HPSE2: variants seen among roughly 807,000 people sequenced by gnomAD.
HPSE2 encodes inactive heparanase-2.
Under a neutral mutation model 60.5 loss-of-function variants are expected in HPSE2, and 38 were observed. The ratio of observed to expected loss-of-function variants is 0.63; its 90% confidence interval spans 0.48 to 0.82. The LOEUF is 0.82. HPSE2 is among the 40% of genes least tolerant of loss of function. The pLI, the probability that HPSE2 is intolerant of heterozygous loss-of-function variation, is 0.00. For missense variants in HPSE2, 713 were observed against 740.4 expected, an observed-to-expected ratio of 0.96 and a Z score of 0.43; for synonymous variants, 295 against 293.2, an observed-to-expected ratio of 1.01 and a Z score of -0.06.
At chr10:99,288,185 G>C in the HPSE2 span, among the ~76,000 whole-genome samples, 1 of 152,108 alleles carries the variant, frequency 6.6e-6, no homozygotes, top group African/African-American at 2.4e-5. Context: ...AAATCTAAGG[G>C]ATAGGCTAGA....
intron 3 of HPSE2, among the ~76,000 whole-genome samples, chr10:98,767,192 CT>C (rs1221252250): frequency 6.6e-6 from 1 of 152,088 alleles, no homozygotes; most frequent in Non-Finnish European, 1.5e-5. Flanking sequence ...AGCTTTTTCA[CT>C]TGTGTACAAG....
intron 3 of HPSE2, among the ~76,000 whole-genome samples, chr10:98,979,208 G>C (rs1047702750): frequency 6.6e-6 from 1 of 152,064 alleles, no homozygotes; most frequent in Non-Finnish European, 1.5e-5. Context: ...CTTCAGGCAC[G>C]AGCTAGGGTA....
intron 3 of HPSE2, among the ~76,000 whole-genome samples, chr10:98,822,488 A>G (rs1951447830): frequency 6.6e-6 from 1 of 152,212 alleles, no homozygotes; most frequent in Non-Finnish European, 1.5e-5. Context: ...ACTAAGCACG[A>G]ATTTTAAAAT....
At chr10:98,542,764 G>A (rs1943516598) in intron 9 of HPSE2, among the ~76,000 whole-genome samples, 1 of 151,300 alleles carries the variant, frequency 6.6e-6, no homozygotes, top group South Asian at 2.1e-4. Flanking sequence ...GAAGCGAGAA[G>A]GGAAGTTTAG....
chr10:98,932,950 G>A (rs761297193), intron 3 of HPSE2, among the ~76,000 whole-genome samples: 5 of 142,864 alleles, frequency 3.5e-5, no homozygotes, highest in East Asian at 2.0e-4. Flanking sequence ...TTGATTTTTC[G>A]AAGTGTTTTT....
chr10:98,736,170 C>T (rs898213875), intron 4 of HPSE2, among the ~76,000 whole-genome samples: 5 of 151,136 alleles, frequency 3.3e-5, no homozygotes, highest in African/African-American at 9.7e-5. Context: ...GAATAAGTCT[C>T]GCAAGAGCTG....
At chr10:99,066,955 C>G (rs1350020625) in intron 3 of HPSE2, among the ~76,000 whole-genome samples, 2 of 152,198 alleles carry the variant, frequency 1.3e-5, no homozygotes, top group African/African-American at 2.4e-5. Context: ...AAGTTAGTTA[C>G]TTCCTAGATA....
intron 9 of HPSE2, among the ~76,000 whole-genome samples, chr10:98,557,933 T>C (rs1281691236): frequency 3.9e-5 from 6 of 152,048 alleles, no homozygotes; most frequent in Non-Finnish European, 8.8e-5. Context: ...AGGATTCATA[T>C]CCAGAATATA....
At chr10:99,268,156 T>A in the HPSE2 span, among the ~76,000 whole-genome samples, 1 of 152,168 alleles carries the variant, frequency 6.6e-6, no homozygotes, top group Non-Finnish European at 1.5e-5. Context: ...TTAGCCTCCT[T>A]AAATGAAACA....
chr10:99,190,655 C>T (rs1461306576), intron 2 of HPSE2, among the ~76,000 whole-genome samples: 1 of 152,158 alleles, frequency 6.6e-6, no homozygotes, highest in Admixed American at 6.5e-5. Context: ...GCAAGATGGC[C>T]AAATAGAAGC....
At chr10:98,789,670 A>G (rs1391809227) in intron 3 of HPSE2, among the ~76,000 whole-genome samples, 1 of 152,192 alleles carries the variant, frequency 6.6e-6, no homozygotes, top group Non-Finnish European at 1.5e-5. Context: ...CAGATCCTAA[A>G]GGAGATGACA....
intron 2 of HPSE2, among the ~76,000 whole-genome samples, chr10:99,181,231 T>C (rs987230828): frequency 1.3e-5 from 2 of 149,766 alleles, no homozygotes; most frequent in Admixed American, 1.3e-4. Context: ...ACCCCGTCTC[T>C]ACTAAAAATA....
At chr10:98,991,017 T>C (rs1378153152) in intron 3 of HPSE2, among the ~76,000 whole-genome samples, 1 of 152,184 alleles carries the variant, frequency 6.6e-6, no homozygotes, top group African/African-American at 2.4e-5. Flanking sequence ...ATCATGCATA[T>C]TCCCACCTCC....
intron 2 of HPSE2, among the ~76,000 whole-genome samples, chr10:99,219,831 C>A (rs1849250018): frequency 6.6e-6 from 1 of 152,150 alleles, no homozygotes; most frequent in African/African-American, 2.4e-5. Context: ...AAAATGGTGA[C>A]CTTCTGCCTT....
In HPSE2 at chr10:98,987,151, G is replaced by A. The variant is rs537273570; in HGVS notation, c.610+157087C>T. Among the ~76,000 whole-genome samples, 3 of 152,098 alleles carry A rather than the reference G, an allele frequency of 2.0e-5. No homozygotes were observed. The South Asian group carries it at 6.2e-4, about 32-fold the overall frequency. On this transcript the variant is annotated intron_variant, in intron 3 of 11. Coordinates refer to ENST00000370552, the MANE Select transcript of HPSE2 (RefSeq NM_021828.5). The stretch of plus-strand genomic sequence containing the variant: ...CTCCCTAACTCATTTTATGAGGCCA[G>A]CATCATCCTGATACCAAAGCCTGGC...
chr10:99,192,248 G>A (rs7909275), intron 2 of HPSE2, among the ~76,000 whole-genome samples: 2 of 151,978 alleles, frequency 1.3e-5, no homozygotes, highest in Non-Finnish European at 2.9e-5. Context: ...AGTACAAGAA[G>A]GTTATAGAAC....
chr10:98,945,092 T>G (rs1342028403), intron 3 of HPSE2, among the ~76,000 whole-genome samples: 2 of 152,184 alleles, frequency 1.3e-5, no homozygotes, highest in Non-Finnish European at 2.9e-5. Context: ...TGTAAGCCTT[T>G]GCAAATTGCT....
chr10:98,743,906 T>C lies in HPSE2; in HGVS notation c.761A>G (p.Asn254Ser), dbSNP rs865990504. 1 of 1,613,996 alleles carries C rather than the reference T, an allele frequency of 6.2e-7. No individual in the cohort carries two copies. Among genetic ancestry groups the C allele is most frequent in the Non-Finnish European group, 8.5e-7 (1 of 1,179,856 alleles). The change falls in exon 4 of 12, where the codon AAC (asparagine) becomes AGC (serine). Residue 254 changes from asparagine (N) to serine (S), a missense_variant. By Grantham distance (46) the Asn-to-Ser change is conservative (BLOSUM62 1). Transcript: ENST00000370552. ...LLKYSASKKY[N>S]ISWELGNEPN... The stretch of plus-strand genomic sequence containing the variant: ...ACCATTACCCAGTTCCCAAGAAATG[T>C]TGTACTTTTTGCTGGCGCTGTACTT...
intron 3 of HPSE2, among the ~76,000 whole-genome samples, chr10:98,818,317 GA>G (rs1238767527): frequency 6.6e-6 from 1 of 152,136 alleles, no homozygotes; most frequent in African/African-American, 2.4e-5. Flanking sequence ...GGGGGATGAT[GA>G]AATTGTTCCA....
Sources: allele counts gnomAD v4.1 joint callset (sites outside exome capture counted in the v4.1 genomes callset), GRCh38; gene constraint gnomAD v4.1.1; transcripts MANE v1.5; gene names NCBI Gene and HGNC (gene_info 2026-07-23, HGNC 2026-07-21).